Variants in BEST2 observed in about 807,000 individuals in gnomAD.
BEST2 encodes bestrophin-2a.
A neutral mutation model predicts 49.0 loss-of-function variants in BEST2; 36 were observed. The observed-to-expected ratio is 0.73, with a 90% CI of 0.56 to 0.97. BEST2 has a LOEUF of 0.97. Among genes scored for constraint, BEST2 ranks in the 50% least tolerant of loss-of-function variants. BEST2 has a pLI of 0.00. For synonymous variants in BEST2, 335 were observed against 304.4 expected (o/e 1.10, Z -1.05); for missense variants, 672 against 710.0 (o/e 0.95, Z 0.61).
At position 12,757,906 on chromosome 19, in the gene BEST2, C is replaced by G. The variant is rs770649878; in HGVS notation, c.1359C>G (p.Leu453=). 3 of 1,556,064 alleles carry G rather than the reference C, an allele frequency of 1.9e-6. No individual in the cohort carries two copies. The South Asian group carries it at 3.5e-5, about 18-fold the overall frequency. The part of the protein sequence containing the change: ...APECSCGDPL[L]DPGLPEPEAP... Reference sequence around the variant, plus strand: ...AGTGCAGCTGCGGGGACCCGCTGCTCGACCCCGGCCTGCCGGAGCCCGAGG... The same window carrying G: ...AGTGCAGCTGCGGGGACCCGCTGCTGGACCCCGGCCTGCCGGAGCCCGAGG... The change falls in exon 10 of 10, where the codon CTC becomes CTG. Residue 453 remains leucine (L), a synonymous_variant. Transcript: ENST00000553030.
At position 12,754,864 on chromosome 19, in the gene BEST2, C is replaced by T. The variant is rs1450171424; in HGVS notation, c.482-13C>T. 6.2e-7 allele frequency: 1 copy of T among 1,608,894 alleles called. No individual in the cohort carries two copies. The highest frequency in any genetic ancestry group is 1.1e-5 in the South Asian group (1 of 90,162). On this transcript the variant is annotated splice_polypyrimidine_tract_variant and intron_variant, in intron 4 of 9. Transcript: ENST00000553030. Reference sequence around the variant, plus strand: ...GGGCAAGGGGCGAGCTATCCCTGACCCCTTTCCTCCAGGGTTTATGACCCG... The same window carrying T: ...GGGCAAGGGGCGAGCTATCCCTGACTCCTTTCCTCCAGGGTTTATGACCCG...
chr19:12,753,987 T>C (rs1392692153), intron 3 of BEST2, among the ~76,000 whole-genome samples: 1 of 149,630 alleles, frequency 6.7e-6, no homozygotes, highest in African/African-American at 2.5e-5. Flanking sequence ...TCTGTGCCTC[T>C]ATCCCCATAC....
At position 12,754,645 on chromosome 19, in the gene BEST2, T is replaced by C; in HGVS notation, c.341T>C (p.Val114Ala). 1.9e-6 allele frequency: 3 copies of C among 1,562,312 alleles called. No homozygotes were observed. The highest frequency in any genetic ancestry group is 2.6e-6 in the Non-Finnish European group (3 of 1,152,846). ...DALMCVVAGT[V>A]HGRDDRGRLY... ...CTCATGTGCGTGGTGGCGGGCACCGTGCACGGACGCGACGACCGCGGCCGC... is the reference window on the plus strand; with the variant it reads ...CTCATGTGCGTGGTGGCGGGCACCGCGCACGGACGCGACGACCGCGGCCGC... The change falls in exon 4 of 10, where the codon GTG (valine) becomes GCG (alanine). Residue 114 changes from valine to alanine, a missense_variant. Coordinates refer to ENST00000553030, the MANE Select transcript of BEST2 (RefSeq NM_017682.3).
chr19:12,756,003 T>C, intron 8 of BEST2, 68 bp downstream of exon 8: 1 of 1,592,398 alleles, frequency 6.3e-7, no homozygotes, highest in Non-Finnish European at 8.6e-7. Context: ...AGGGTTCTGG[T>C]CCCACCCCTG....
In BEST2 at chr19:12,754,970, C is replaced by T. The variant is rs1423990908; in HGVS notation, c.575C>T (p.Ala192Val). The T allele has an allele frequency of 6.2e-6, 10 of 1,613,406 alleles. No individual in the cohort carries two copies. The African/African-American group carries it at 1.1e-4, about 17-fold the overall frequency. ...WVPCVWFSNL[A>V]AQARREGRIR... ...CCCTGCGTCTGGTTCTCCAACCTGG[C>T]GGCACAGGCCCGACGCGAGGGCCGC... The change falls in exon 5 of 10, where the codon GCG becomes GTG. Residue 192 changes from alanine to valine, a missense_variant. By Grantham distance (64) the Ala-to-Val change is moderately conservative (BLOSUM62 0). Transcript: ENST00000553030.
rs1285196310 is a variant in BEST2, at chr19:12,752,541, G to GC, written c.-47dup. The GC allele has an allele frequency of 6.3e-6, 10 of 1,591,270 alleles. No homozygotes were observed. Among genetic ancestry groups the GC allele is most frequent in the Non-Finnish European group, 8.6e-6 (10 of 1,166,312 alleles). ...CCGCACCTCTCCACCCACACCCGCAGCCCCCACCCGGGCCACCCACTCTCC... is the reference window on the plus strand; with the variant it reads ...CCGCACCTCTCCACCCACACCCGCAGCCCCCCACCCGGGCCACCCACTCTCC... On this transcript the variant is annotated splice_region_variant and 5_prime_UTR_variant. Transcript: ENST00000553030.
Position 12,757,765 on chromosome 19 carries a change from G to T in BEST2, c.1218G>T (p.Ala406=). The change falls in exon 10 of 10, where the codon GCG becomes GCT. Residue 406 remains alanine (A), a synonymous_variant. Coordinates refer to ENST00000553030, the MANE Select transcript of BEST2 (RefSeq NM_017682.3). ...RLLPAGAGMV[A]GGPLGRRLSF... ...TGCCGGCGGGCGCGGGCATGGTCGC[G>T]GGAGGCCCGCTGGGCCGGCGCCTGT... 6.5e-7 allele frequency: 1 copy of T among 1,545,016 alleles called. No homozygotes were observed. Among genetic ancestry groups the T allele is most frequent in the Middle Eastern group, 2.1e-4 (1 of 4,784 alleles).
At chr19:12,752,404 G>A (rs139600643) in intron 1 of BEST2, 138 bp from the exon 2 acceptor site, 92 of 559,816 alleles carry the variant, frequency 1.6e-4, no homozygotes, top group African/African-American at 1.4e-3. Flanking sequence ...GAGGGGCACT[G>A]GGGGCTGGAC....
At position 12,754,693 on chromosome 19, in the gene BEST2, G is replaced by T; in HGVS notation, c.389G>T (p.Arg130Leu). 1 of 1,583,668 alleles carries T rather than the reference G, an allele frequency of 6.3e-7. No individual in the cohort carries two copies. Among genetic ancestry groups the T allele is most frequent in the South Asian group, 1.1e-5 (1 of 87,004 alleles). ...CGCCTCTACCGGCGCACACTCATGC[G>T]CTACGCAGGGCTCTCGGCCGTGCTC... ...RGRLYRRTLM[R>L]YAGLSAVLIL... Residue 130 changes from arginine to leucine, a missense_variant, in exon 4 of 10, where the codon CGC (arginine) becomes CTC (leucine). This residue lies in a region of BEST2 where 365 missense variants were observed against 390.9 expected (regional missense o/e 0.93). Coordinates refer to ENST00000553030, the MANE Select transcript of BEST2 (RefSeq NM_017682.3).
chr19:12,756,020 C>A, intron 8 of BEST2, 85 bp downstream of exon 8: 1 of 1,589,838 alleles, frequency 6.3e-7, no homozygotes, highest in South Asian at 1.1e-5. Context: ...CCTGCCAAGT[C>A]TTGCCAGGTC....
In BEST2 at chr19:12,754,137, G is replaced by T. The variant is rs183651238; in HGVS notation, c.248-415G>T. On this transcript the variant is annotated intron_variant, in intron 3 of 9. Transcript: ENST00000553030. ...GTTGCCCAAGCTGGAGTGCAATGGT[G>T]CGATCTCAGCTCACTGCAACCTCCG... is the stretch of plus-strand genomic sequence containing the variant. Among the ~76,000 whole-genome samples, 16 of 136,536 alleles carry T rather than the reference G, an allele frequency of 1.2e-4. No individual in the cohort carries two copies. In the East Asian group the frequency reaches 3.5e-3, roughly 30 times the overall value. The allele number at this position is 136,536 out of a possible 152,430, so 89.6% of individuals were successfully genotyped here.
intron 9 of BEST2, among the ~76,000 whole-genome samples, chr19:12,757,318 A>T (rs1372063349): frequency 1.3e-5 from 2 of 152,146 alleles, no homozygotes; most frequent in Non-Finnish European, 2.9e-5. Context: ...AGGCTGAGAC[A>T]GGAGAATCGC....
chr19:12,757,705 G>A lies in BEST2; in HGVS notation c.1158G>A (p.Met386Ile). 1 of 1,546,500 alleles carries A rather than the reference G, an allele frequency of 6.5e-7. No homozygotes were observed. The highest frequency in any genetic ancestry group is 8.7e-7 in the Non-Finnish European group (1 of 1,149,188). The change falls in exon 10 of 10, where the codon ATG (methionine) becomes ATA (isoleucine). Residue 386 changes from methionine to isoleucine, a missense_variant. Met to Ile is a conservative substitution (Grantham distance 10). Around this residue, in one of 3 missense-constraint regions of BEST2, gnomAD observed 291 missense variants for 279.8 expected, o/e 1.04. Transcript: ENST00000553030. ...FQRLDGLDGPMGEAPGDFLQR... is the reference protein window; with the variant it reads ...FQRLDGLDGPIGEAPGDFLQR... ...GGCTGGACGGCTTGGATGGACCGATGGGAGAGGCGCCCGGCGACTTCCTGC... is the reference window on the plus strand; with the variant it reads ...GGCTGGACGGCTTGGATGGACCGATAGGAGAGGCGCCCGGCGACTTCCTGC...
Position 12,752,659 on chromosome 19 carries a change from C to G in BEST2, c.67C>G (p.Leu23Val). Residue 23 changes from leucine (L) to valine (V), a missense_variant, in exon 2 of 10, where the codon CTG becomes GTG. This residue lies in a region of BEST2 where 365 missense variants were observed against 390.9 expected (regional missense o/e 0.93). Coordinates refer to ENST00000553030, the MANE Select transcript of BEST2 (RefSeq NM_017682.3). ...RFGGFSQLLL[L>V]WRGSIYKLLW... is the part of the protein sequence containing the mutation. ...CGGTGGCTTCTCCCAGCTGCTGCTA[C>G]TGTGGCGTGGGAGCATCTACAAACT... 1 of 1,612,880 alleles carries G rather than the reference C, an allele frequency of 6.2e-7. No individual in the cohort carries two copies. Among genetic ancestry groups the G allele is most frequent in the Non-Finnish European group, 8.5e-7 (1 of 1,179,950 alleles).
chr19:12,753,488 C>A, intron 3 of BEST2, 134 bp downstream of exon 3: 1 of 778,082 alleles, frequency 1.3e-6, no homozygotes, highest in Admixed American at 2.2e-5. Context: ...CACTGCCCAC[C>A]CATTTTTGGA....
At chr19:12,752,781 G>C (rs752076555) in intron 2 of BEST2, 37 bp downstream of exon 2, 43 of 1,559,634 alleles carry the variant, frequency 2.8e-5, no homozygotes, top group South Asian at 7.0e-5. Flanking sequence ...TCTAGCGGAG[G>C]GGGGGCAGCT....
chr19:12,757,640 C>T lies in BEST2; in HGVS notation c.1104-11C>T, dbSNP rs1182324762. ...CGAGGCCGCAGCGCTGGCCCACTGT[C>T]GGTCCCGCAGGCTGGCCAAAGAAGA... On this transcript the variant is annotated splice_polypyrimidine_tract_variant and intron_variant, in intron 9 of 9. Coordinates refer to ENST00000553030, the MANE Select transcript of BEST2 (RefSeq NM_017682.3). The T allele has an allele frequency of 6.5e-7, 1 of 1,530,864 alleles. No individual in the cohort carries two copies. The highest frequency in any genetic ancestry group is 1.2e-5 in the South Asian group (1 of 83,232). 94.8% of individuals were successfully genotyped at this position (1,530,864 alleles called of 1,614,324 possible).
intron 9 of BEST2, chr19:12,756,677 G>C (rs567807783): frequency 4.6e-6 from 1 of 218,834 alleles, no homozygotes; most frequent in African/African-American, 2.3e-5. Flanking sequence ...TGAGACCCCC[G>C]TCTCTACTAA....
In BEST2 at chr19:12,756,213, GC is replaced by G. The variant is rs1967942467; in HGVS notation, c.1023del (p.Glu342ArgfsTer143). 4 of 1,614,146 alleles carry G rather than the reference GC, an allele frequency of 2.5e-6. No individual in the cohort carries two copies. Among genetic ancestry groups the G allele is most frequent in the Non-Finnish European group, 3.4e-6 (4 of 1,180,058 alleles). On this transcript the variant is annotated frameshift_variant, in exon 9 of 10. Transcript: ENST00000553030. LOFTEE classifies it high-confidence loss of function. ...VLEKDLYWDA[A>X]EARAPYTAAT... ...GGAGAAGGACTTGTACTGGGATGCA[GC>G]CGAGGCTCGCGCCCCATACACAGCG...
Sources: allele counts gnomAD v4.1 joint callset (sites outside exome capture counted in the v4.1 genomes callset), GRCh38; gene constraint gnomAD v4.1.1; regional missense constraint gnomAD v4.1.1; transcripts MANE v1.5; gene names NCBI Gene and HGNC (gene_info 2026-07-23, HGNC 2026-07-21).